HAL: variants seen among roughly 807,000 people sequenced by gnomAD.
The protein encoded by HAL is histidine ammonia-lyase.
In HAL, 85 loss-of-function variants were observed where a neutral mutation model predicts 81.1. The ratio of observed to expected loss-of-function variants is 1.05; its 90% CI spans 0.88 to 1.25. The LOEUF (loss-of-function observed/expected upper bound fraction) is 1.25, where lower values mean the gene tolerates loss of function less well. HAL is among the 50% of genes most tolerant of loss of function. The probability of loss-of-function intolerance (pLI) is 0.00; values close to 1 mark genes in which losing one functional copy is unlikely to be tolerated. For synonymous variants in HAL, 301 were observed against 309.2 expected (o/e 0.97, Z 0.28); for missense variants, 798 against 836.6 (o/e 0.95, Z 0.57).
In HAL at chr12:95,985,897, C is replaced by G; in HGVS notation, c.1206+11G>C. 1.4e-6 allele frequency: 2 copies of G among 1,446,070 alleles called. No homozygotes were observed. Among genetic ancestry groups the G allele is most frequent in the Non-Finnish European group, 1.9e-6 (2 of 1,074,478 alleles). 89.6% of individuals were successfully genotyped at this position (1,446,070 alleles called of 1,614,324 possible). A position where few individuals can be genotyped will look rare whatever the true frequency, so the allele number is the denominator to read the frequency against. ...ATTTTTTATTGACCTTTTTTTTTTT[C>G]TTTATTTTACCTGTGGACAGCAGCG... On this transcript the variant is annotated intron_variant, in intron 14 of 20. Coordinates refer to ENST00000261208, the MANE Select transcript of HAL (RefSeq NM_002108.4).
At position 95,980,540 on chromosome 12, in the gene HAL, G is replaced by A. The variant is rs1363548627; in HGVS notation, c.1519+16C>T. On this transcript the variant is annotated intron_variant, in intron 17 of 20. Coordinates refer to ENST00000261208, the MANE Select transcript of HAL (RefSeq NM_002108.4). ...ATGGACGGGCGTGTGTTCTGGGAAA[G>A]GGGCAGTGTCCTTACCAAGGGCTGC... 18 of 1,611,288 alleles carry A rather than the reference G, an allele frequency of 1.1e-5. No homozygotes were observed. The South Asian group carries it at 1.5e-4, about 14-fold the overall frequency.
chr12:95,972,882 T>C lies in HAL; in HGVS notation c.*1350A>G, dbSNP rs912302092. 4 of 152,154 alleles carry C rather than the reference T, an allele frequency of 2.6e-5. No homozygotes were observed. The highest frequency in any genetic ancestry group is 1.3e-4 in the Admixed American group (2 of 15,280). The allele number at this position is 152,154 out of a possible 1,614,324, so 9.4% of individuals were successfully genotyped here. A position where few individuals can be genotyped will look rare whatever the true frequency, so the allele number is the denominator to read the frequency against. On this transcript the variant is annotated 3_prime_UTR_variant, in exon 21 of 21. Transcript: ENST00000261208. ...CTCAATGGCAGCCCACGGATGACAA[T>C]GCACAAACCTCATTTGTGTGTGTTC...
At chr12:95,975,131 T>A (rs1378538723) in intron 20 of HAL, among the ~76,000 whole-genome samples, 2 of 152,262 alleles carry the variant, frequency 1.3e-5, no homozygotes, top group African/African-American at 4.8e-5. Flanking sequence ...ACAGGTGCTC[T>A]GTTCCTTTGA....
At position 95,996,132 on chromosome 12, in the gene HAL, C is replaced by T. The variant is rs146856180; in HGVS notation, c.-136G>A. 1.3e-4 allele frequency: 75 copies of T among 566,540 alleles called. No individual in the cohort carries two copies. The highest frequency in any genetic ancestry group is 1.2e-3 in the African/African-American group (66 of 53,758). The allele number at this position is 566,540 out of a possible 1,614,324, so 35.1% of individuals were successfully genotyped here. ...CAGGGGCAGGAGCAGGGGATGCAGA[C>T]GGGTGAGCCTCCTGTCCACTTTCCA... On this transcript the variant is annotated 5_prime_UTR_variant, in exon 1 of 21. Coordinates refer to ENST00000261208, the MANE Select transcript of HAL (RefSeq NM_002108.4).
chr12:95,995,638 C>T (rs762639789), intron 2 of HAL, 26 bp downstream of exon 2: 21 of 1,611,914 alleles, frequency 1.3e-5, no homozygotes, highest in South Asian at 2.2e-5. Flanking sequence ...CGCACCCGTT[C>T]GCGGCCCTCT....
Position 95,980,737 on chromosome 12 carries a change from C to T in HAL, c.1354-16G>A, listed in dbSNP as rs1184665287. 6.2e-7 allele frequency: 1 copy of T among 1,611,894 alleles called. No homozygotes were observed. Among genetic ancestry groups the T allele is most frequent in the Non-Finnish European group, 8.5e-7 (1 of 1,178,088 alleles). On this transcript the variant is annotated splice_polypyrimidine_tract_variant and intron_variant, in intron 16 of 20. Coordinates refer to ENST00000261208, the MANE Select transcript of HAL (RefSeq NM_002108.4). ...AGTCTAGGGCCTGAAAGAGGGTCTC[C>T]ATTTAGTCAGCCTATATTGAAATGT...
At position 95,987,192 on chromosome 12, in the gene HAL, G is replaced by A. The variant is rs756750932; in HGVS notation, c.926C>T (p.Thr309Met). 30 of 1,613,772 alleles carry A rather than the reference G, an allele frequency of 1.9e-5. No homozygotes were observed. The highest frequency in any genetic ancestry group is 1.6e-4 in the Middle Eastern group (1 of 6,084). ...PKEGLALINGTQMITSLGCEA... is the reference protein window; with the variant it reads ...PKEGLALINGMQMITSLGCEA... Reference sequence around the variant, plus strand: ...ACAGCCCAGGGATGTGATCATCTGCGTCCCATTGATGAGTGCCAGGCCCTG... The same window carrying A: ...ACAGCCCAGGGATGTGATCATCTGCATCCCATTGATGAGTGCCAGGCCCTG... Residue 309 changes from threonine (T) to methionine (M), a missense_variant, in exon 12 of 21, where the codon ACG becomes ATG. By Grantham distance (81) the Thr-to-Met change is moderately conservative. Transcript: ENST00000261208.
intron 9 of HAL, among the ~76,000 whole-genome samples, chr12:95,992,098 C>T (rs2136824744): frequency 6.6e-6 from 1 of 152,268 alleles, no homozygotes; most frequent in Admixed American, 6.5e-5. Context: ...ATCTGGTTTC[C>T]ACATTAGAAT....
chr12:95,974,875 G>T (rs1160566910), intron 20 of HAL, among the ~76,000 whole-genome samples: 1 of 152,114 alleles, frequency 6.6e-6, no homozygotes, highest in Non-Finnish European at 1.5e-5. Context: ...GAGTAGCTGG[G>T]ATTACAGGTG....
intron 17 of HAL, among the ~76,000 whole-genome samples, chr12:95,978,968 G>T (rs1328711334): frequency 6.6e-6 from 1 of 152,136 alleles, no homozygotes; most frequent in Admixed American, 6.5e-5. Flanking sequence ...GTTGGCCAAG[G>T]ACTTTCCAGG....
In HAL at chr12:95,973,450, A is replaced by T. The variant is rs1221456410; in HGVS notation, c.*782T>A. On this transcript the variant is annotated 3_prime_UTR_variant, in exon 21 of 21. Transcript: ENST00000261208. ...GTGAAATGAGGAAGGTTACAATAAG[A>T]ATGTGAATAGAGTACTAACACCAAG... 1 of 152,244 alleles carries T rather than the reference A, an allele frequency of 6.6e-6. No individual in the cohort carries two copies. Among genetic ancestry groups the T allele is most frequent in the African/African-American group, 2.4e-5 (1 of 41,454 alleles). The allele number at this position is 152,244 out of a possible 1,614,324, so 9.4% of individuals were successfully genotyped here. A position where few individuals can be genotyped will look rare whatever the true frequency, so the allele number is the denominator to read the frequency against.
intron 2 of HAL, 122 bp from the exon 3 acceptor site, chr12:95,995,115 C>T (rs1950017349): frequency 1.3e-6 from 1 of 784,236 alleles, no homozygotes; most frequent in Non-Finnish European, 2.3e-6. Context: ...TTTAAAACTG[C>T]TTCAGATGGT....
Position 95,978,000 on chromosome 12 carries a change from G to A in HAL, c.1598C>T (p.Ser533Phe), listed in dbSNP as rs1223406544. Reference protein sequence around the residue: ...STSAATEDHVSMGGWAARKAL... With the variant: ...STSAATEDHVFMGGWAARKAL... ...TTTCCTTGCTGCCCATCCTCCCATGGAGACGTGGTCCTCCGTGGCTGCGCT... is the reference window on the plus strand; with the variant it reads ...TTTCCTTGCTGCCCATCCTCCCATGAAGACGTGGTCCTCCGTGGCTGCGCT... The change falls in exon 18 of 21, where the codon TCC becomes TTC. Residue 533 changes from serine to phenylalanine, a missense_variant. By Grantham distance (155) the Ser-to-Phe change is radical (BLOSUM62 -2). Coordinates refer to ENST00000261208, the MANE Select transcript of HAL (RefSeq NM_002108.4). 1.9e-6 allele frequency: 3 copies of A among 1,613,978 alleles called. No homozygotes were observed. The highest frequency in any genetic ancestry group is 1.7e-5 in the Admixed American group (1 of 60,008).
rs992423133 is a variant in HAL, at chr12:95,988,156, C to A, written c.903+37G>T. The A allele has an allele frequency of 2.0e-5, 20 of 980,372 alleles. No individual in the cohort carries two copies. In the East Asian group the frequency reaches 4.8e-4, roughly 23 times the overall value. 60.7% of individuals were successfully genotyped at this position (980,372 alleles called of 1,614,324 possible). ...TGAAAATACTGCATAAATAAAAACT[C>A]ATGCACTATGAACATATTTTTCTTG... is the stretch of plus-strand genomic sequence containing the variant. On this transcript the variant is annotated intron_variant, in intron 11 of 20. Coordinates refer to ENST00000261208, the MANE Select transcript of HAL (RefSeq NM_002108.4).
rs1165967541 is a variant in HAL at position 95,986,100 on chromosome 12, A to G, written c.1112T>C (p.Leu371Pro). ...QIEVAFRFRS[L>P]LDSDHHPSEI... ...TGATGGGTGGTGATCTGAGTCCAAGAGTGACCGAAACCGAAAAGCAACTTC... is the reference window on the plus strand; with the variant it reads ...TGATGGGTGGTGATCTGAGTCCAAGGGTGACCGAAACCGAAAAGCAACTTC... Residue 371 changes from leucine (L) to proline (P), a missense_variant, in exon 13 of 21, where the codon CTC becomes CCC. By Grantham distance (98) the Leu-to-Pro change is moderately conservative. Coordinates refer to ENST00000261208, the MANE Select transcript of HAL (RefSeq NM_002108.4). The G allele has an allele frequency of 1.2e-6, 2 of 1,613,128 alleles. No homozygotes were observed. Among genetic ancestry groups the G allele is most frequent in the Non-Finnish European group, 1.7e-6 (2 of 1,179,142 alleles).
In HAL at chr12:95,984,003, T is replaced by C; in HGVS notation, c.1207-12A>G. On this transcript the variant is annotated splice_polypyrimidine_tract_variant and intron_variant, in intron 14 of 20. Transcript: ENST00000261208. ...ACCACACCATGGACCTAAAATACAA[T>C]CAAAATAAGGTATATGACCCATTTG... 3 of 1,419,086 alleles carry C rather than the reference T, an allele frequency of 2.1e-6. No homozygotes were observed. The highest frequency in any genetic ancestry group is 3.0e-6 in the Non-Finnish European group (3 of 1,003,266). 87.9% of individuals were successfully genotyped at this position (1,419,086 alleles called of 1,614,324 possible). A position where few individuals can be genotyped will look rare whatever the true frequency, so the allele number is the denominator to read the frequency against.
intron 11 of HAL, 129 bp downstream of exon 11, chr12:95,988,064 T>C (rs1949917775): frequency 2.8e-6 from 2 of 710,864 alleles, no homozygotes; most frequent in South Asian, 3.1e-5. Context: ...TTGCCCCTTC[T>C]TCAGGGATGA....
intron 10 of HAL, among the ~76,000 whole-genome samples, chr12:95,989,210 C>T (rs1312814048): frequency 6.6e-6 from 1 of 152,170 alleles, no homozygotes; most frequent in Non-Finnish European, 1.5e-5. Flanking sequence ...TTTTAGACAC[C>T]TGTCTCTGTA....
chr12:95,982,306 T>A (rs1391250976), intron 15 of HAL, among the ~76,000 whole-genome samples: 1 of 152,208 alleles, frequency 6.6e-6, no homozygotes, highest in African/African-American at 2.4e-5. Flanking sequence ...TAATTAGCAA[T>A]CTTTAATTGA....
Sources: allele counts gnomAD v4.1 joint callset (sites outside exome capture counted in the v4.1 genomes callset), GRCh38; gene constraint gnomAD v4.1.1; transcripts MANE v1.5; gene names NCBI Gene and HGNC (gene_info 2026-07-23, HGNC 2026-07-21).